Variants in CSMD1 observed in about 807,000 individuals in gnomAD.
CSMD1 encodes CUB and sushi domain-containing protein 1.
A neutral mutation model predicts 417.5 loss-of-function variants in CSMD1; 213 were observed. The ratio of observed to expected loss-of-function variants is 0.51; its 90% CI spans 0.46 to 0.57. CSMD1 has a LOEUF of 0.57. Among genes scored for constraint, CSMD1 ranks in the 20% least tolerant of loss-of-function variants. The pLI is 0.00. For synonymous variants in CSMD1, 2,862 were observed against 1,736.8 expected, an observed-to-expected ratio of 1.65 and a Z score of -16.11; for missense variants, 6,923 against 4,529.7, an observed-to-expected ratio of 1.53 and a Z score of -15.17.
At chr8:3,668,743 T>A (rs1032341920) in intron 7 of CSMD1, among the ~76,000 whole-genome samples, 2 of 152,166 alleles carry the variant, frequency 1.3e-5, no homozygotes, top group Non-Finnish European at 2.9e-5. Context: ...GGGCCAACGC[T>A]AGGGAAGACC....
intron 26 of CSMD1, among the ~76,000 whole-genome samples, chr8:3,242,108 T>C (rs35088411): frequency 0.76 from 110,249 of 145,412 alleles, 42,648 homozygotes; most frequent in Non-Finnish European, 0.83. Context: ...AAAAGGAGCA[T>C]TAACCTTGAC....
At chr8:3,869,325 T>C (rs1805320536) in intron 5 of CSMD1, among the ~76,000 whole-genome samples, 1 of 152,298 alleles carries the variant, frequency 6.6e-6, no homozygotes, top group South Asian at 2.1e-4. Flanking sequence ...ATGGCATGTA[T>C]CACCTGTGGC....
chr8:4,082,489 G>C (rs967787965), intron 3 of CSMD1, among the ~76,000 whole-genome samples: 1 of 152,004 alleles, frequency 6.6e-6, no homozygotes, highest in Non-Finnish European at 1.5e-5. Context: ...ACGTAATTTT[G>C]ATAACAAAGT....
At chr8:4,280,024 G>T (rs1049100430) in intron 3 of CSMD1, among the ~76,000 whole-genome samples, 2 of 152,256 alleles carry the variant, frequency 1.3e-5, no homozygotes, top group African/African-American at 4.8e-5. Context: ...TTCCTTCCCA[G>T]CCTAGAACAC....
chr8:3,064,800 G>A (rs1473916422), intron 49 of CSMD1, among the ~76,000 whole-genome samples: 6 of 152,176 alleles, frequency 3.9e-5, no homozygotes, highest in African/African-American at 1.4e-4. Context: ...TAACCAGCAT[G>A]AGGTTAAGCA....
At chr8:3,419,379 G>C (rs1380365524) in intron 12 of CSMD1, among the ~76,000 whole-genome samples, 3 of 152,206 alleles carry the variant, frequency 2.0e-5, no homozygotes, top group Non-Finnish European at 2.9e-5. Context: ...CTGATCACCA[G>C]ATGAAGCCAG....
intron 1 of CSMD1, among the ~76,000 whole-genome samples, chr8:4,657,812 T>A (rs187535215): frequency 1.1e-4 from 17 of 149,660 alleles, no homozygotes; most frequent in African/African-American, 4.2e-4. Flanking sequence ...CCCAAATAGC[T>A]AAAGGAAACC....
intron 3 of CSMD1, among the ~76,000 whole-genome samples, chr8:4,072,355 G>C (rs1278058346): frequency 3.9e-5 from 6 of 152,106 alleles, no homozygotes; most frequent in Non-Finnish European, 8.8e-5. Flanking sequence ...ACAAATACTA[G>C]TTTTCAATAA....
intron 3 of CSMD1, among the ~76,000 whole-genome samples, chr8:4,278,496 G>C (rs941509867): frequency 4.6e-5 from 7 of 152,096 alleles, no homozygotes; most frequent in Non-Finnish European, 8.8e-5. Flanking sequence ...ATATTAGGTT[G>C]ACACAAAAGT....
intron 3 of CSMD1, among the ~76,000 whole-genome samples, chr8:4,366,291 C>T (rs1405846394): frequency 6.6e-6 from 1 of 151,824 alleles, no homozygotes; most frequent in Non-Finnish European, 1.5e-5. Flanking sequence ...TAGTGTCTCA[C>T]TTTGCATATG....
At position 4,446,128 on chromosome 8, in the gene CSMD1, C is replaced by T. The variant is rs141689228; in HGVS notation, c.303-26063G>A. On this transcript the variant is annotated intron_variant, in intron 2 of 69. Transcript: ENST00000635120. ...CAAGTTGTGATTTTGTTGTTACATT[C>T]GTTACATACGTGAGTTTTGAACTGA... Among the ~76,000 whole-genome samples the T allele has an allele frequency of 1.9e-3, 294 of 152,228 alleles. 1 individual carries two copies. The highest frequency in any genetic ancestry group is 6.7e-3 in the African/African-American group (277 of 41,530).
At chr8:4,725,287 T>C (rs1405234322) in intron 1 of CSMD1, among the ~76,000 whole-genome samples, 3 of 152,168 alleles carry the variant, frequency 2.0e-5, no homozygotes, top group Non-Finnish European at 2.9e-5. Flanking sequence ...CAAGATCTGA[T>C]TACTTTTCTT....
At chr8:3,550,988 C>G (rs1339704845) in intron 10 of CSMD1, among the ~76,000 whole-genome samples, 1 of 152,152 alleles carries the variant, frequency 6.6e-6, no homozygotes, top group Non-Finnish European at 1.5e-5. Context: ...CAGTCAGACC[C>G]CTTTCTCAAA....
At chr8:3,899,549 A>G (rs778038686) in intron 5 of CSMD1, among the ~76,000 whole-genome samples, 2 of 152,204 alleles carry the variant, frequency 1.3e-5, no homozygotes, top group African/African-American at 2.4e-5. Context: ...ATCTAAGGAC[A>G]TTAAAAAGAA....
intron 21 of CSMD1, among the ~76,000 whole-genome samples, chr8:3,348,751 A>G (rs1412994558): frequency 1.3e-5 from 2 of 152,198 alleles, no homozygotes; most frequent in Admixed American, 6.5e-5. Flanking sequence ...CTCTTTCCCA[A>G]TGAAGGAAGA....
intron 5 of CSMD1, among the ~76,000 whole-genome samples, chr8:3,881,935 C>T (rs1236993758): frequency 1.3e-5 from 2 of 152,050 alleles, no homozygotes. Context: ...TTTATAATTC[C>T]ACAGAGATTA....
At chr8:4,156,645 C>A (rs779443462) in intron 3 of CSMD1, among the ~76,000 whole-genome samples, 1 of 152,084 alleles carries the variant, frequency 6.6e-6, no homozygotes, top group Non-Finnish European at 1.5e-5. Context: ...TTTGGTGATA[C>A]CAGGTACCCA....
intron 2 of CSMD1, among the ~76,000 whole-genome samples, chr8:4,622,204 GACCTGACATT>G (rs1394772063): frequency 6.6e-6 from 1 of 151,268 alleles, no homozygotes; most frequent in African/African-American, 2.4e-5. Flanking sequence ...CAGACATATT[GACCTGACATT>G]ACCTGGAGGC....
intron 25 of CSMD1, among the ~76,000 whole-genome samples, chr8:3,305,733 A>G (rs182984063): frequency 6.6e-6 from 1 of 152,166 alleles, no homozygotes; most frequent in South Asian, 2.1e-4. Context: ...AGGTTGGAGT[A>G]CAGTGGCACG....
Sources: allele counts gnomAD v4.1 joint callset (sites outside exome capture counted in the v4.1 genomes callset), GRCh38; gene constraint gnomAD v4.1.1; transcripts MANE v1.5; gene names NCBI Gene and HGNC (gene_info 2026-07-23, HGNC 2026-07-21).